The following EEA1 variants were observed in gnomAD, a reference collection of about 807,000 sequenced individuals.
EEA1 encodes early endosome antigen 1, 162kD.
EEA1 carries 111 observed loss-of-function variants against 209.2 expected under a neutral mutation model. The ratio of observed to expected loss-of-function variants is 0.53; its 90% CI spans 0.45 to 0.62. The LOEUF (loss-of-function observed/expected upper bound fraction) is 0.62, where lower values mean the gene tolerates loss of function less well. Ranked by LOEUF, EEA1 falls within the 20% of genes least tolerant of loss-of-function variation. The pLI is 0.00. For missense variants in EEA1, 1,343 were observed against 1,530.8 expected, an observed-to-expected ratio of 0.88 and a Z score of 2.05; for synonymous variants, 536 against 540.6, an observed-to-expected ratio of 0.99 and a Z score of 0.12.
intron 17 of EEA1, 72 bp from the exon 18 acceptor site, chr12:92,809,228 ATT>A: frequency 8.5e-7 from 1 of 1,182,304 alleles, no homozygotes; most frequent in Non-Finnish European, 1.1e-6. Context: ...ATACTATAAC[ATT>A]TTTGTTTATA....
At chr12:92,777,297 T>A (rs1305632334) in intron 27 of EEA1, among the ~76,000 whole-genome samples, 1 of 151,992 alleles carries the variant, frequency 6.6e-6, no homozygotes, top group Non-Finnish European at 1.5e-5. Context: ...TTCTTGAATT[T>A]TGTAGTTCTT....
At chr12:92,889,595 C>T (rs142130767) in intron 2 of EEA1, among the ~76,000 whole-genome samples, 68 of 147,680 alleles carry the variant, frequency 4.6e-4, no homozygotes, top group African/African-American at 1.5e-3. Flanking sequence ...CAAGAAAATA[C>T]GAAAATGAAA....
intron 1 of EEA1, among the ~76,000 whole-genome samples, chr12:92,908,604 C>CA (rs927423397): frequency 2.9e-5 from 3 of 103,824 alleles, no homozygotes; most frequent in East Asian, 1.1e-3. Flanking sequence ...AGCACAAAGC[C>CA]AAAAAAAATT....
At chr12:92,786,859 A>G (rs1874157035) in intron 22 of EEA1, among the ~76,000 whole-genome samples, 1 of 152,232 alleles carries the variant, frequency 6.6e-6, no homozygotes, top group South Asian at 2.1e-4. Flanking sequence ...ATACTTCACA[A>G]TTTAGATCCA....
intron 3 of EEA1, among the ~76,000 whole-genome samples, chr12:92,863,193 A>G (rs1878225603): frequency 1.3e-5 from 2 of 152,210 alleles, no homozygotes; most frequent in African/African-American, 4.8e-5. Context: ...TGTTGCAGAT[A>G]CTCTACAGAG....
In EEA1 at chr12:92,777,385, A is replaced by G. The variant is rs1873701723; in HGVS notation, c.4014+158T>C. ...TCTCTGAAACAAGTTCTTTACTTTT[A>G]TATTTAATTATCCACAAAACCTACA... On this transcript the variant is annotated intron_variant, in intron 27 of 28. Coordinates refer to ENST00000322349, the MANE Select transcript of EEA1 (RefSeq NM_003566.4). Among the ~76,000 whole-genome samples, 4 of 152,002 alleles carry G rather than the reference A, an allele frequency of 2.6e-5. No individual in the cohort carries two copies. The South Asian group carries it at 8.3e-4, about 31-fold the overall frequency.
intron 14 of EEA1, among the ~76,000 whole-genome samples, chr12:92,816,812 G>A (rs1875810285): frequency 6.9e-6 from 1 of 145,850 alleles, no homozygotes; most frequent in South Asian, 2.1e-4. Context: ...CACTGATTTG[G>A]TTAAGTAATA....
chr12:92,841,956 CAAT>C (rs1877182561), intron 10 of EEA1, among the ~76,000 whole-genome samples: 1 of 152,106 alleles, frequency 6.6e-6, no homozygotes, highest in African/African-American at 2.4e-5. Flanking sequence ...AAGATTGAAG[CAAT>C]CCAAGTGTCT....
At chr12:92,836,090 C>T in intron 10 of EEA1, among the ~76,000 whole-genome samples, 1 of 152,030 alleles carries the variant, frequency 6.6e-6, no homozygotes, top group East Asian at 1.9e-4. Flanking sequence ...TTAATCTTTA[C>T]AACAAAATAT....
chr12:92,884,448 G>C, intron 2 of EEA1: 1 of 1,461,868 alleles, frequency 6.8e-7, no homozygotes, highest in Non-Finnish European at 9.5e-7. Context: ...GGTGGTGGTG[G>C]ATATGGTGGC....
At chr12:92,781,035 C>T (rs1208340524) in intron 23 of EEA1, among the ~76,000 whole-genome samples, 3 of 152,150 alleles carry the variant, frequency 2.0e-5, no homozygotes, top group Non-Finnish European at 4.4e-5. Flanking sequence ...CTCGGTCTCC[C>T]GAGTAGGTGG....
intron 1 of EEA1, among the ~76,000 whole-genome samples, chr12:92,921,765 A>G (rs1323035204): frequency 6.7e-6 from 1 of 148,884 alleles, no homozygotes; most frequent in Non-Finnish European, 1.5e-5. Context: ...AAAAGAAAAA[A>G]AAAAAAAAAA....
chr12:92,887,666 A>T (rs1879471356), intron 2 of EEA1, among the ~76,000 whole-genome samples: 1 of 152,160 alleles, frequency 6.6e-6, no homozygotes, highest in Admixed American at 6.5e-5. Context: ...AAAATAAAAA[A>T]AATACCTATG....
At chr12:92,928,517 C>T (rs1289641273) in intron 1 of EEA1, among the ~76,000 whole-genome samples, 2 of 152,186 alleles carry the variant, frequency 1.3e-5, no homozygotes, top group Non-Finnish European at 2.9e-5. Flanking sequence ...CAGGCTAGGC[C>T]GGGGCTCACC....
At chr12:92,912,221 A>C (rs1041401306) in intron 1 of EEA1, among the ~76,000 whole-genome samples, 3 of 152,184 alleles carry the variant, frequency 2.0e-5, no homozygotes, top group Non-Finnish European at 4.4e-5. Flanking sequence ...ACTTACTCAT[A>C]ATACAAGGAA....
At position 92,807,389 on chromosome 12, in the gene EEA1, CAA is replaced by C. The variant is rs562869409; in HGVS notation, c.2339+1626_2339+1627del. Among the ~76,000 whole-genome samples the C allele has an allele frequency of 2.3e-3, 350 of 152,074 alleles. 3 individuals are homozygous for C. Among genetic ancestry groups the C allele is most frequent in the African/African-American group, 7.8e-3 (323 of 41,498 alleles). On this transcript the variant is annotated intron_variant, in intron 18 of 28. Transcript: ENST00000322349. ...TTCCTGCCTAAGATTAGAAATAATG[CAA>C]AGATATTTGCCAATACTGTTTACAT...
rs1258500927 is a variant in EEA1, at chr12:92,884,223, C to A, written c.117+7406G>T. 137 of 1,515,362 alleles carry A rather than the reference C, an allele frequency of 9.0e-5. No individual in the cohort carries two copies. The Middle Eastern group carries it at 1.4e-3, about 16-fold the overall frequency. The allele number at this position is 1,515,362 out of a possible 1,614,324, so 93.9% of individuals were successfully genotyped here. On this transcript the variant is annotated intron_variant, in intron 2 of 28. Transcript: ENST00000322349. ...AAGAAAAGGGGCTTTGCCTTTGTAACCTTTGACGACCATGACTCCGTGGAT... is the reference window on the plus strand; with the variant it reads ...AAGAAAAGGGGCTTTGCCTTTGTAAACTTTGACGACCATGACTCCGTGGAT...
intron 9 of EEA1, 74 bp downstream of exon 9, chr12:92,851,037 A>C: frequency 7.1e-7 from 1 of 1,413,526 alleles, no homozygotes; most frequent in East Asian, 2.5e-5. Context: ...AAAATCTCAA[A>C]TCCTGGCTTC....
At chr12:92,797,009 A>T (rs928283875) in intron 21 of EEA1, among the ~76,000 whole-genome samples, 1 of 152,238 alleles carries the variant, frequency 6.6e-6, no homozygotes, top group Non-Finnish European at 1.5e-5. Flanking sequence ...TCTCTAGATT[A>T]CTTACAATAC....
Sources: gnomAD v4.1 joint callset for allele counts (sites outside exome capture counted in the v4.1 genomes callset) on GRCh38, gnomAD v4.1.1 for gene constraint, MANE v1.5 for transcripts, NCBI Gene and HGNC (gene_info 2026-07-23, HGNC 2026-07-21) for gene names.